Variants in LHX6 observed in about 807,000 individuals in gnomAD.
The protein encoded by LHX6 is LIM homeobox 6, also known as LIM/homeobox protein Lhx6.
In LHX6, 15 loss-of-function variants were observed where a neutral mutation model predicts 47.1. That is an observed-to-expected ratio of 0.32 (90% CI 0.21 to 0.49). The LOEUF is 0.49. Ranked by LOEUF, LHX6 falls within the 20% of genes least tolerant of loss-of-function variation. The probability of loss-of-function intolerance (pLI) is 0.99; values close to 1 mark genes in which losing one functional copy is unlikely to be tolerated. For synonymous variants in LHX6, 242 were observed against 233.5 expected, an observed-to-expected ratio of 1.04 and a Z score of -0.33; for missense variants, 404 against 539.6, an observed-to-expected ratio of 0.75 and a Z score of 2.49.
At chr9:122,227,952 A>ACCCCCCCCCCCCCCCCCCCCCCCCTCC in intron 1 of LHX6, 1 of 131,682 alleles carries the variant, frequency 7.6e-6, no homozygotes, top group Non-Finnish European at 1.6e-5. Flanking sequence ...TTCTCTCTCC[A>ACCCCCCCCCCCCCCCCCCCCCCCCTCC]CCCGCCCCCC....
intron 8 of LHX6, among the ~76,000 whole-genome samples, chr9:122,211,955 C>T (rs942048683): frequency 2.0e-5 from 3 of 152,284 alleles, no homozygotes; most frequent in Admixed American, 6.5e-5. Context: ...GGGAAAATGT[C>T]GCTCCTATTG....
intron 4 of LHX6, chr9:122,221,327 C>T: frequency 1.0e-6 from 1 of 985,646 alleles, no homozygotes; most frequent in Non-Finnish European, 1.2e-6. Flanking sequence ...GCTCCCCCAA[C>T]ATCTGTCCCC....
chr9:122,215,365 G>A lies in LHX6; in HGVS notation c.683-982C>T, dbSNP rs114998801. Among the ~76,000 whole-genome samples the A allele has an allele frequency of 5.9e-3, 894 of 152,292 alleles. 13 individuals carry two copies. The highest frequency in any genetic ancestry group is 0.021 in the African/African-American group (855 of 41,548). On this transcript the variant is annotated intron_variant, in intron 5 of 9. Coordinates refer to ENST00000394319, the MANE Select transcript of LHX6 (RefSeq NM_014368.5). ...CCGTCTTTTCTAATTTTTCTACAAT[G>A]AACGTGTGTGTATCTGTGTGTGTGT...
At position 122,213,968 on chromosome 9, in the gene LHX6, T is replaced by A; in HGVS notation, c.879+6A>T. 2.0e-6 allele frequency: 2 copies of A among 1,024,190 alleles called. No homozygotes were observed. Among genetic ancestry groups the A allele is most frequent in the Non-Finnish European group, 2.9e-6 (2 of 679,498 alleles). The allele number at this position is 1,024,190 out of a possible 1,614,324, so 63.4% of individuals were successfully genotyped here. A position where few individuals can be genotyped will look rare whatever the true frequency, so the allele number is the denominator to read the frequency against. ...GGTCCCCAGGCCCCGCCCACCCCCG[T>A]CCCACCTGGATGACTCTCCGGCTGA... is the stretch of plus-strand genomic sequence containing the variant. On this transcript the variant is annotated splice_donor_region_variant and intron_variant, in intron 7 of 9. Coordinates refer to ENST00000394319, the MANE Select transcript of LHX6 (RefSeq NM_014368.5). The surrounding 1 kb of genome is among the most constrained non-coding windows in gnomAD (Gnocchi z 5.5).
intron 9 of LHX6, among the ~76,000 whole-genome samples, chr9:122,208,992 TCTC>T (rs981630077): frequency 2.0e-5 from 3 of 152,164 alleles, no homozygotes; most frequent in African/African-American, 7.2e-5. Flanking sequence ...GGGAGGTAAG[TCTC>T]CTCCTCTCTC....
chr9:122,213,716 G>A lies in LHX6; in HGVS notation c.944C>T (p.Ser315Leu), dbSNP rs1830477026. 3.7e-6 allele frequency: 6 copies of A among 1,612,256 alleles called. No homozygotes were observed. The highest frequency in any genetic ancestry group is 4.2e-6 in the Non-Finnish European group (5 of 1,179,514). The change falls in exon 8 of 10, where the codon TCG becomes TTG. Residue 315 changes from serine to leucine, a missense_variant. Physicochemically the swap from Ser to Leu is moderately radical, Grantham distance 145. Transcript: ENST00000394319. The surrounding 1 kb of genome is among the most constrained non-coding windows in gnomAD (Gnocchi z 5.5). ...KHTPQHPVPP[S>L]GAPPSRLPSA... is the part of the protein sequence containing the mutation. Reference sequence around the variant, plus strand: ...GGGAAGGCGGGACGGGGGCGCCCCCGAGGGCGGCACTGGGTGTTGCGGCGT... The same window carrying A: ...GGGAAGGCGGGACGGGGGCGCCCCCAAGGGCGGCACTGGGTGTTGCGGCGT...
chr9:122,206,905 T>C (rs554901640), intron 9 of LHX6, among the ~76,000 whole-genome samples: 1 of 152,238 alleles, frequency 6.6e-6, no homozygotes, highest in South Asian at 2.1e-4. Context: ...CACATGCGGT[T>C]CTCTTGATGT....
At chr9:122,224,800 T>C (rs1197877956) in intron 4 of LHX6, among the ~76,000 whole-genome samples, 2 of 151,756 alleles carry the variant, frequency 1.3e-5, no homozygotes, top group African/African-American at 4.9e-5. Flanking sequence ...CGTTGGTCCA[T>C]AAAGGAACAC....
chr9:122,224,202 A>AT (rs1440466501), intron 4 of LHX6, among the ~76,000 whole-genome samples: 1 of 151,910 alleles, frequency 6.6e-6, no homozygotes, highest in African/African-American at 2.4e-5. Flanking sequence ...TAAGTTTTGT[A>AT]TTTTTAGTAG....
Position 122,226,983 on chromosome 9 carries a change from C to T in LHX6, c.204G>A (p.Glu68=). The T allele has an allele frequency of 6.5e-7, 1 of 1,543,312 alleles. No homozygotes were observed. The highest frequency in any genetic ancestry group is 8.7e-7 in the Non-Finnish European group (1 of 1,143,568). ...EALAGALDKD[E]GQASPCTPST... ...TGGGCGTACATGGGGAGGCCTGACC[C>T]TCGTCCTTGTCCAGAGCTCCTGCCA... Residue 68 remains glutamate, a synonymous_variant, in exon 3 of 10, where the codon GAG becomes GAA. Coordinates refer to ENST00000394319, the MANE Select transcript of LHX6 (RefSeq NM_014368.5). This position sits in a 1 kb window ranked among gnomAD's most constrained non-coding sequence, Gnocchi z 6.5.
In LHX6 at chr9:122,214,969, C is replaced by A. The variant is rs369912624; in HGVS notation, c.683-586G>T. On this transcript the variant is annotated intron_variant, in intron 5 of 9. Transcript: ENST00000394319. This position sits in a 1 kb window ranked among gnomAD's most constrained non-coding sequence, Gnocchi z 4.6. ...TTAAAAACAATCATATGTTGCCTTA[C>A]TTCTGTAAGGTTTAATTTTGTTAAC... Among the ~76,000 whole-genome samples the A allele has an allele frequency of 6.6e-5, 10 of 152,300 alleles. No homozygotes were observed. In the East Asian group the frequency reaches 1.3e-3, roughly 21 times the overall value.
intron 4 of LHX6, among the ~76,000 whole-genome samples, chr9:122,225,543 C>T (rs1274324602): frequency 6.6e-6 from 1 of 152,262 alleles, no homozygotes; most frequent in Non-Finnish European, 1.5e-5. Context: ...ACGCGGCCTG[C>T]AGTAGGGAGA....
intron 5 of LHX6, among the ~76,000 whole-genome samples, chr9:122,215,930 G>T (rs1830579420): frequency 6.6e-6 from 1 of 152,166 alleles, no homozygotes; most frequent in South Asian, 2.1e-4. Context: ...AGCAGGCAGG[G>T]CAAGGATTGG....
chr9:122,204,681 C>G lies in LHX6; in HGVS notation c.*79G>C, dbSNP rs760780193. 6.4e-7 allele frequency: 1 copy of G among 1,563,526 alleles called. No individual in the cohort carries two copies. The highest frequency in any genetic ancestry group is 1.8e-5 in the Admixed American group (1 of 54,914). Reference sequence around the variant, plus strand: ...ATGCGGAGGTGGGTGGACTCCTGGCCGCAGCTTGGACACTGGATCTCAGCG... The same window carrying G: ...ATGCGGAGGTGGGTGGACTCCTGGCGGCAGCTTGGACACTGGATCTCAGCG... On this transcript the variant is annotated 3_prime_UTR_variant, in exon 10 of 10. Transcript: ENST00000394319.
chr9:122,206,264 T>C (rs913590530), intron 9 of LHX6, among the ~76,000 whole-genome samples: 2 of 152,190 alleles, frequency 1.3e-5, no homozygotes, highest in African/African-American at 4.8e-5. Flanking sequence ...AGGCCAGTGC[T>C]GGTCTAGATG....
At chr9:122,207,938 G>A (rs1006854780) in intron 9 of LHX6, among the ~76,000 whole-genome samples, 2 of 152,050 alleles carry the variant, frequency 1.3e-5, no homozygotes, top group Non-Finnish European at 2.9e-5. Context: ...CACCAAGACC[G>A]GGATCTGCTG....
chr9:122,208,560 G>A (rs1417376709), intron 9 of LHX6, among the ~76,000 whole-genome samples: 1 of 152,168 alleles, frequency 6.6e-6, no homozygotes, highest in Non-Finnish European at 1.5e-5. Flanking sequence ...GGCCGGGCAC[G>A]GTGGCTCACG....
chr9:122,227,871 T>G (rs1831175836), intron 1 of LHX6: 7 of 346,874 alleles, frequency 2.0e-5, no homozygotes, highest in African/African-American at 4.4e-5. Flanking sequence ...TGTCAATCAG[T>G]GAGATCCATC....
chr9:122,209,602 G>T lies in LHX6; in HGVS notation c.1158+12C>A, dbSNP rs1346569029. 1.2e-6 allele frequency: 2 copies of T among 1,613,536 alleles called. No individual in the cohort carries two copies. The highest frequency in any genetic ancestry group is 1.7e-6 in the Non-Finnish European group (2 of 1,179,528). ...GGCTCTGACCCACCAGACCCAACCT[G>T]GCTCCATTTACCTTCTCACCCCGGT... On this transcript the variant is annotated intron_variant, in intron 9 of 9. Transcript: ENST00000394319.
Sources: allele counts gnomAD v4.1 joint callset (sites outside exome capture counted in the v4.1 genomes callset), GRCh38; gene constraint gnomAD v4.1.1; non-coding constraint Gnocchi (gnomAD v3.1); transcripts MANE v1.5; gene names NCBI Gene and HGNC (gene_info 2026-07-23, HGNC 2026-07-21).